Variants in ACOXL observed in about 807,000 individuals in gnomAD.
ACOXL encodes acyl-coenzyme A oxidase-like protein.
In ACOXL, 70 loss-of-function variants were observed where a neutral mutation model predicts 71.9. The observed-to-expected ratio is 0.97, with a 90% CI of 0.80 to 1.19. The LOEUF is 1.19. ACOXL is among the 50% of genes most tolerant of loss of function. ACOXL has a pLI of 0.00. For missense variants in ACOXL, 703 were observed against 736.3 expected (o/e 0.95, Z 0.52); for synonymous variants, 253 against 281.6 (o/e 0.90, Z 1.02).
At chr2:111,031,855 A>T in intron 15 of ACOXL, 141 bp downstream of exon 15, 1 of 756,510 alleles carries the variant, frequency 1.3e-6, no homozygotes, top group Non-Finnish European at 2.2e-6. Flanking sequence ...GCCCCAAGTG[A>T]CTTACAGAGA....
chr2:110,816,536 T>C (rs1262721994), intron 9 of ACOXL, among the ~76,000 whole-genome samples: 1 of 152,174 alleles, frequency 6.6e-6, no homozygotes, highest in Non-Finnish European at 1.5e-5. Context: ...ATCTGGGCAA[T>C]GACTGTTTTG....
intron 1 of ACOXL, among the ~76,000 whole-genome samples, chr2:110,754,395 C>A (rs1679403085): frequency 6.6e-6 from 1 of 152,086 alleles, no homozygotes; most frequent in African/African-American, 2.4e-5. Context: ...AGAGTTTATT[C>A]CCTATGTAGT....
chr2:110,955,709 C>G (rs145518108), intron 12 of ACOXL, among the ~76,000 whole-genome samples: 337 of 152,136 alleles, frequency 2.2e-3, no homozygotes, highest in African/African-American at 7.5e-3. Context: ...CCTGGACATT[C>G]TGTACCCCTT....
chr2:111,037,996 TCA>T (rs1013185292), intron 15 of ACOXL, among the ~76,000 whole-genome samples: 7 of 152,340 alleles, frequency 4.6e-5, no homozygotes, highest in African/African-American at 1.7e-4. Context: ...TTTTTCTATT[TCA>T]CAGAGTTTCT....
At chr2:110,839,164 C>T (rs944425057) in intron 9 of ACOXL, among the ~76,000 whole-genome samples, 1 of 151,980 alleles carries the variant, frequency 6.6e-6, no homozygotes, top group Non-Finnish European at 1.5e-5. Flanking sequence ...CCTCCCACCC[C>T]ATTTCCTCTC....
Position 111,085,097 on chromosome 2 carries a change from T to C in ACOXL, c.1441-7768T>C, listed in dbSNP as rs145571611. Among the ~76,000 whole-genome samples, 7 of 152,282 alleles carry C rather than the reference T, an allele frequency of 4.6e-5. No individual in the cohort carries two copies. In the East Asian group the frequency reaches 9.6e-4, roughly 21 times the overall value. On this transcript the variant is annotated intron_variant, in intron 16 of 17. Transcript: ENST00000439055. The stretch of plus-strand genomic sequence containing the variant: ...TCATAAAGCAGGTTCTTAAGAGACC[T>C]ATGAAGAGACTTACATTCCCACACA...
In ACOXL at chr2:110,793,635, T is replaced by C. The variant is rs375550313; in HGVS notation, c.160-15T>C. Reference sequence around the variant, plus strand: ...GACTGTTGCTAATGATGGTTTGTATTGTCCTTGTTTCCAGTGCGGAATAAT... The same window carrying C: ...GACTGTTGCTAATGATGGTTTGTATCGTCCTTGTTTCCAGTGCGGAATAAT... On this transcript the variant is annotated splice_polypyrimidine_tract_variant and intron_variant, in intron 3 of 17. Coordinates refer to ENST00000439055, the MANE Select transcript of ACOXL (RefSeq NM_001142807.4). 8 of 1,610,776 alleles carry C rather than the reference T, an allele frequency of 5.0e-6. No homozygotes were observed. The highest frequency in any genetic ancestry group is 1.7e-4 in the Middle Eastern group (1 of 6,054).
intron 15 of ACOXL, 41 bp from the exon 16 acceptor site, chr2:111,049,177 G>T: frequency 6.8e-7 from 1 of 1,478,206 alleles, no homozygotes; most frequent in South Asian, 1.1e-5. Flanking sequence ...GCTCTGAGGC[G>T]GAAGTGAAGT....
Position 110,799,049 on chromosome 2 carries a change from A to G in ACOXL, c.496A>G (p.Asn166Asp). 6.2e-7 allele frequency: 1 copy of G among 1,613,918 alleles called. No individual in the cohort carries two copies. Among genetic ancestry groups the G allele is most frequent in the Non-Finnish European group, 8.5e-7 (1 of 1,179,898 alleles). Residue 166 changes from asparagine to aspartate, a missense_variant, in exon 7 of 18, where the codon AAC becomes GAC. Physicochemically the swap from Asn to Asp is conservative, Grantham distance 23 (BLOSUM62 1). Coordinates refer to ENST00000439055, the MANE Select transcript of ACOXL (RefSeq NM_001142807.4). ...HCFIVPVRDE[N>D]GSLYPGVTAI... ...TTTCATCGTTCCTGTCCGGGATGAA[A>G]ACGGAAGCTTGTACCCAGGAGTCAC...
chr2:110,768,866 C>G (rs1681489367), intron 2 of ACOXL, among the ~76,000 whole-genome samples: 1 of 151,380 alleles, frequency 6.6e-6, no homozygotes, highest in African/African-American at 2.4e-5. Flanking sequence ...TTGTGACTTG[C>G]TAAGCCTGTT....
At chr2:111,102,648 A>C (rs777209462) in intron 17 of ACOXL, among the ~76,000 whole-genome samples, 6 of 125,356 alleles carry the variant, frequency 4.8e-5, no homozygotes, top group East Asian at 3.8e-4. Context: ...ATGTTGCACA[A>C]AAAAAAAAGA....
At position 110,805,286 on chromosome 2, in the gene ACOXL, G is replaced by T. The variant is rs755472496; in HGVS notation, c.644G>T (p.Gly215Val). Residue 215 changes from glycine (G) to valine (V), a missense_variant, in exon 9 of 18, where the codon GGA becomes GTA. Coordinates refer to ENST00000439055, the MANE Select transcript of ACOXL (RefSeq NM_001142807.4). ...LDKFGSVAPD[G>V]QYHSPIRNKS... The stretch of plus-strand genomic sequence containing the variant: ...AGGTTTGGTTCCGTGGCTCCAGATG[G>T]ACAGTACCATTCGCCTATTAGGAAC... 3.1e-6 allele frequency: 5 copies of T among 1,614,180 alleles called. No individual in the cohort carries two copies. The Middle Eastern group carries it at 6.6e-4, about 213-fold the overall frequency.
chr2:110,987,575 G>A (rs1303489028), intron 13 of ACOXL, among the ~76,000 whole-genome samples: 1 of 152,182 alleles, frequency 6.6e-6, no homozygotes, highest in Non-Finnish European at 1.5e-5. Flanking sequence ...GCTAGTGAGT[G>A]GCAGAGGTGA....
At chr2:110,847,473 A>G (rs185313223) in intron 10 of ACOXL, among the ~76,000 whole-genome samples, 99 of 152,290 alleles carry the variant, frequency 6.5e-4, no homozygotes, top group Non-Finnish European at 8.7e-4. Context: ...AATTCCTAAC[A>G]CAACGATTTT....
intron 11 of ACOXL, among the ~76,000 whole-genome samples, chr2:110,933,097 A>G (rs1032719895): frequency 6.6e-6 from 1 of 152,166 alleles, no homozygotes; most frequent in Admixed American, 6.5e-5. Flanking sequence ...TAAAGCATCT[A>G]GTTGAATCTT....
At chr2:111,101,125 C>G (rs1304183902) in intron 17 of ACOXL, 1 of 152,602 alleles carries the variant, frequency 6.6e-6, no homozygotes, top group East Asian at 1.9e-4. Context: ...GGCCCCCAAG[C>G]CAGGATGCTG....
rs572078874 is a variant in ACOXL, at chr2:110,779,166, A to G, written c.76-5566A>G. Reference sequence around the variant, plus strand: ...CAGAGCCATGGGAATGTCACCTTTCATCAATCCTGCACTGGGCTTTCCTGG... The same window carrying G: ...CAGAGCCATGGGAATGTCACCTTTCGTCAATCCTGCACTGGGCTTTCCTGG... On this transcript the variant is annotated intron_variant, in intron 2 of 17. Coordinates refer to ENST00000439055, the MANE Select transcript of ACOXL (RefSeq NM_001142807.4). 2.6e-5 allele frequency among the ~76,000 whole-genome samples: 4 copies of G among 152,342 alleles called. No individual in the cohort carries two copies. In the South Asian group the frequency reaches 8.3e-4, roughly 32 times the overall value.
chr2:110,781,676 G>GA (rs1448953373), intron 2 of ACOXL, among the ~76,000 whole-genome samples: 1 of 151,314 alleles, frequency 6.6e-6, no homozygotes, highest in Non-Finnish European at 1.5e-5. Context: ...TATAAAAAAA[G>GA]AAAAAAAAGA....
intron 10 of ACOXL, among the ~76,000 whole-genome samples, chr2:110,852,262 T>C (rs966346311): frequency 2.0e-5 from 3 of 152,188 alleles, no homozygotes; most frequent in African/African-American, 7.2e-5. Flanking sequence ...CCTACCCATT[T>C]CATGGCGTGG....
Sources: gnomAD v4.1 joint callset for allele counts (sites outside exome capture counted in the v4.1 genomes callset) on GRCh38, gnomAD v4.1.1 for gene constraint, MANE v1.5 for transcripts, NCBI Gene and HGNC (gene_info 2026-07-23, HGNC 2026-07-21) for gene names.